Variants in INPP4B observed in about 807,000 individuals in gnomAD.
INPP4B encodes inositol polyphosphate-4-phosphatase type II B.
INPP4B carries 55 observed loss-of-function variants against 122.5 expected under a neutral mutation model. The ratio of observed to expected loss-of-function variants is 0.45; its 90% CI spans 0.36 to 0.56. The LOEUF (loss-of-function observed/expected upper bound fraction) is 0.56. Ranked by LOEUF, INPP4B falls within the 20% of genes least tolerant of loss-of-function variation. The pLI, the probability that INPP4B is intolerant of heterozygous loss-of-function variation, is 0.00. For missense variants in INPP4B, 1,000 were observed against 1,097.7 expected (o/e 0.91, Z 1.26); for synonymous variants, 403 against 388.7 (o/e 1.04, Z -0.43).
chr4:142,186,705 T>C (rs1218792603), intron 15 of INPP4B, among the ~76,000 whole-genome samples: 2 of 152,168 alleles, frequency 1.3e-5, no homozygotes, highest in African/African-American at 4.8e-5. Flanking sequence ...CATAAACAAA[T>C]TTTGTTTTTG....
chr4:142,792,573 T>C (rs1776706846), intron 1 of INPP4B, among the ~76,000 whole-genome samples: 1 of 152,004 alleles, frequency 6.6e-6, no homozygotes, highest in African/African-American at 2.4e-5. Context: ...TGCTCTAAGG[T>C]GAGTCTAAAC....
intron 16 of INPP4B, among the ~76,000 whole-genome samples, chr4:142,163,231 T>C (rs548076308): frequency 6.6e-6 from 1 of 152,004 alleles, no homozygotes; most frequent in African/African-American, 2.4e-5. Flanking sequence ...ATTCCAGAAA[T>C]AAATAATTCA....
chr4:142,578,608 A>T (rs1427438754), intron 2 of INPP4B, among the ~76,000 whole-genome samples: 1 of 151,880 alleles, frequency 6.6e-6, no homozygotes, highest in East Asian at 1.9e-4. Flanking sequence ...CTCTTCTTAT[A>T]AGGACACGAG....
At chr4:142,622,243 T>A (rs1341107968) in intron 2 of INPP4B, among the ~76,000 whole-genome samples, 1 of 151,882 alleles carries the variant, frequency 6.6e-6, no homozygotes, top group East Asian at 1.9e-4. Flanking sequence ...TTGCTAACAC[T>A]GATACTTTTC....
chr4:142,685,533 G>A (rs1437096841), intron 2 of INPP4B, among the ~76,000 whole-genome samples: 2 of 152,036 alleles, frequency 1.3e-5, no homozygotes, highest in Non-Finnish European at 2.9e-5. Context: ...AAATACAAGT[G>A]GTCAAGAGTT....
chr4:142,270,612 A>C, intron 10 of INPP4B, 51 bp downstream of exon 10: 1 of 1,263,984 alleles, frequency 7.9e-7, no homozygotes, highest in Non-Finnish European at 1.2e-6. Context: ...ACATCTGGCA[A>C]AGCTGATCAT....
At chr4:142,634,422 C>A (rs1221675918) in intron 2 of INPP4B, among the ~76,000 whole-genome samples, 1 of 151,888 alleles carries the variant, frequency 6.6e-6, no homozygotes, top group Non-Finnish European at 1.5e-5. Flanking sequence ...ATCATAGATG[C>A]AAAAAATACT....
chr4:142,409,291 G>A (rs535839187), intron 5 of INPP4B, among the ~76,000 whole-genome samples: 5 of 151,840 alleles, frequency 3.3e-5, no homozygotes, highest in Middle Eastern at 3.4e-3. Context: ...TCAGGAGTTC[G>A]AGACCAGCCT....
chr4:142,418,830 C>T (rs1379473951), intron 5 of INPP4B, among the ~76,000 whole-genome samples: 1 of 152,082 alleles, frequency 6.6e-6, no homozygotes, highest in East Asian at 1.9e-4. Flanking sequence ...AATTACATTT[C>T]CATTTTTAGA....
chr4:142,246,117 TGTGTATGTATACACAC>T (rs1561602557), intron 11 of INPP4B, among the ~76,000 whole-genome samples: 8 of 149,608 alleles, frequency 5.3e-5, no homozygotes, highest in African/African-American at 7.5e-5. Context: ...CATATATATA[TGTGTATGTATACACAC>T]ACATATATAT....
At chr4:142,193,066 T>G in intron 15 of INPP4B, 21 bp downstream of exon 15, 1 of 1,416,552 alleles carries the variant, frequency 7.1e-7, no homozygotes, top group East Asian at 2.3e-5. Flanking sequence ...GAATCTGTGC[T>G]TTCCTCCTGT....
At chr4:142,773,982 C>A (rs1773472859) in intron 1 of INPP4B, among the ~76,000 whole-genome samples, 1 of 152,168 alleles carries the variant, frequency 6.6e-6, no homozygotes, top group African/African-American at 2.4e-5. Flanking sequence ...ATGATAACAT[C>A]CAATATTAAA....
Position 142,577,927 on chromosome 4 carries a change from C to T in INPP4B, c.-190-115201G>A, listed in dbSNP as rs112287486. Among the ~76,000 whole-genome samples the T allele has an allele frequency of 7.6e-3, 1,156 of 152,020 alleles. 5 individuals are homozygous for T. The highest frequency in any genetic ancestry group is 0.017 in the Middle Eastern group (5 of 294). On this transcript the variant is annotated intron_variant, in intron 2 of 25. Coordinates refer to ENST00000262992, the MANE Select transcript of INPP4B (RefSeq NM_001101669.3). ...GAGATGCCAGCAAGATGGATGCTAT[C>T]ATCTCATGCAACATAAACACATATT...
chr4:142,647,944 T>C (rs1455957764), intron 2 of INPP4B, among the ~76,000 whole-genome samples: 3 of 152,254 alleles, frequency 2.0e-5, no homozygotes, highest in African/African-American at 7.2e-5. Context: ...ACTGTGTACA[T>C]GCACATTTCC....
intron 25 of INPP4B, among the ~76,000 whole-genome samples, chr4:142,043,857 G>A (rs1259958658): frequency 2.0e-5 from 3 of 152,118 alleles, no homozygotes; most frequent in African/African-American, 7.2e-5. Context: ...TGTGTTGTAG[G>A]ATGGCACCTA....
chr4:142,082,762 T>C (rs1483065695), intron 24 of INPP4B, among the ~76,000 whole-genome samples: 1 of 152,202 alleles, frequency 6.6e-6, no homozygotes, highest in Non-Finnish European at 1.5e-5. Context: ...AAATGGCCAC[T>C]GTTTATTGCA....
chr4:142,431,017 T>C (rs1809184569), intron 4 of INPP4B, 152 bp downstream of exon 4: 2 of 604,642 alleles, frequency 3.3e-6, no homozygotes, highest in Admixed American at 3.0e-5. Flanking sequence ...CCAAGGTAAA[T>C]AGTGCAAAGG....
rs1276491224 is a variant in INPP4B, at chr4:142,023,703, G to A, written c.*5079C>T. The A allele has an allele frequency of 6.6e-6, 1 of 151,990 alleles. No homozygotes were observed. The highest frequency in any genetic ancestry group is 1.9e-4 in the East Asian group (1 of 5,194). The allele number at this position is 151,990 out of a possible 1,614,324, so 9.4% of individuals were successfully genotyped here. A position where few individuals can be genotyped will look rare whatever the true frequency, so the allele number is the denominator to read the frequency against. The stretch of plus-strand genomic sequence containing the variant: ...AGATGATTGAAGGAATATTATGAAT[G>A]TATTTACACTGTGAGTGTGAAAGGG... On this transcript the variant is annotated 3_prime_UTR_variant, in exon 26 of 26. Transcript: ENST00000262992.
intron 1 of INPP4B, among the ~76,000 whole-genome samples, chr4:142,757,167 T>G (rs918300632): frequency 6.6e-6 from 1 of 151,996 alleles, no homozygotes; most frequent in Admixed American, 6.6e-5. Context: ...GTACACAGAG[T>G]TGTCATATAC....
Sources: gnomAD v4.1 joint callset for allele counts (sites outside exome capture counted in the v4.1 genomes callset) on GRCh38, gnomAD v4.1.1 for gene constraint, MANE v1.5 for transcripts, NCBI Gene and HGNC (gene_info 2026-07-23, HGNC 2026-07-21) for gene names.